Variants in MAP3K4 observed in about 807,000 individuals in gnomAD.
The protein encoded by MAP3K4 is MAP three kinase 1.
In MAP3K4, 67 loss-of-function variants were observed where a neutral mutation model predicts 185.6. The ratio of observed to expected loss-of-function variants is 0.36; its 90% CI spans 0.30 to 0.44. The LOEUF is 0.44. Ranked by LOEUF, MAP3K4 falls within the 20% of genes least tolerant of loss-of-function variation. The pLI is 1.00. For synonymous variants in MAP3K4, 702 were observed against 710.4 expected (o/e 0.99, Z 0.19); for missense variants, 1,551 against 1,995.1 (o/e 0.78, Z 4.24).
At chr6:161,059,142 A>ATT (rs140627063) in intron 3 of MAP3K4, among the ~76,000 whole-genome samples, 103,405 of 149,874 alleles carry the variant, frequency 0.69, 36,070 homozygotes, top group Admixed American at 0.76. Context: ...TGATTGATTG[A>ATT]TTTTTTTTTT....
intron 2 of MAP3K4, among the ~76,000 whole-genome samples, chr6:161,044,958 C>T (rs1048131016): frequency 1.3e-5 from 2 of 152,092 alleles, no homozygotes; most frequent in Non-Finnish European, 2.9e-5. Context: ...TCATCAGGCC[C>T]CACTTCCAAC....
rs201437607 is a variant in MAP3K4 at position 161,098,467 on chromosome 6, C to A, written c.3674+40C>A. ...CCAGTGTCCCGTACCCTCACCACCC[C>A]TTACATGCGCTTACACAGCAACCAT... On this transcript the variant is annotated intron_variant, in intron 17 of 26. Coordinates refer to ENST00000392142, the MANE Select transcript of MAP3K4 (RefSeq NM_005922.4). This position sits in a 1 kb window ranked among gnomAD's most constrained non-coding sequence, Gnocchi z 4.4. The A allele has an allele frequency of 1.3e-6, 2 of 1,580,696 alleles. No homozygotes were observed. Among genetic ancestry groups the A allele is most frequent in the African/African-American group, 1.3e-5 (1 of 74,128 alleles).
At position 161,109,926 on chromosome 6, in the gene MAP3K4, C is replaced by T. The variant is rs200857415; in HGVS notation, c.4396+12C>T. 5.0e-6 allele frequency: 8 copies of T among 1,612,850 alleles called. No individual in the cohort carries two copies. The highest frequency in any genetic ancestry group is 6.8e-6 in the Non-Finnish European group (8 of 1,179,666). The stretch of plus-strand genomic sequence containing the variant: ...CCGTGACATTAAAGGTAATCCCACA[C>T]CCGCCTGGCTGCTGTGGGCCAGAGC... On this transcript the variant is annotated intron_variant, in intron 23 of 26. Coordinates refer to ENST00000392142, the MANE Select transcript of MAP3K4 (RefSeq NM_005922.4). This position sits in a 1 kb window ranked among gnomAD's most constrained non-coding sequence, Gnocchi z 5.7.
intron 13 of MAP3K4, 65 bp downstream of exon 13, chr6:161,092,208 G>T: frequency 1.3e-6 from 2 of 1,564,164 alleles, no homozygotes; most frequent in South Asian, 2.3e-5. Flanking sequence ...GTTCATATAT[G>T]TTCTGTGGGA....
intron 23 of MAP3K4, among the ~76,000 whole-genome samples, chr6:161,111,494 C>T (rs1778350305): frequency 6.6e-6 from 1 of 152,206 alleles, no homozygotes; most frequent in Non-Finnish European, 1.5e-5. Context: ...TTGTACACAT[C>T]TCTCATTCTC....
Position 161,110,885 on chromosome 6 carries a change from C to A in MAP3K4, c.4397-951C>A, listed in dbSNP as rs1778315837. ...GTAGCACTGCCTATTTCTAGTCGTTCTGCCACAGACACCATCCTCAGTCTC... is the reference window on the plus strand; with the variant it reads ...GTAGCACTGCCTATTTCTAGTCGTTATGCCACAGACACCATCCTCAGTCTC... On this transcript the variant is annotated intron_variant, in intron 23 of 26. Coordinates refer to ENST00000392142, the MANE Select transcript of MAP3K4 (RefSeq NM_005922.4). This position sits in a 1 kb window ranked among gnomAD's most constrained non-coding sequence, Gnocchi z 4.8. Among the ~76,000 whole-genome samples the A allele has an allele frequency of 6.6e-6, 1 of 152,178 alleles. No homozygotes were observed. The highest frequency in any genetic ancestry group is 2.4e-5 in the African/African-American group (1 of 41,448).
chr6:161,048,602 T>A lies in MAP3K4; in HGVS notation c.344-14T>A, dbSNP rs757221617. On this transcript the variant is annotated splice_polypyrimidine_tract_variant and intron_variant, in intron 2 of 26. Transcript: ENST00000392142. The surrounding 1 kb of genome is among the most constrained non-coding windows in gnomAD (Gnocchi z 4.7). ...AGAGTTATATAATGTTCTGTTTATTTTTTTTTTTAATAGAAAAAATGAATG... is the reference window on the plus strand; with the variant it reads ...AGAGTTATATAATGTTCTGTTTATTATTTTTTTTAATAGAAAAAATGAATG... 1.9e-5 allele frequency: 29 copies of A among 1,528,668 alleles called. No individual in the cohort carries two copies. The highest frequency in any genetic ancestry group is 2.4e-5 in the Non-Finnish European group (27 of 1,136,928). The allele number at this position is 1,528,668 out of a possible 1,614,324, so 94.7% of individuals were successfully genotyped here.
At position 161,049,646 on chromosome 6, in the gene MAP3K4, G is replaced by A. The variant is rs758524339; in HGVS notation, c.1374G>A (p.Thr458=). 162 of 1,613,980 alleles carry A rather than the reference G, an allele frequency of 1.0e-4. No homozygotes were observed. Among genetic ancestry groups the A allele is most frequent in the Non-Finnish European group, 1.3e-4 (153 of 1,180,026 alleles). ...EGELKELESS[T]DESEEEQISD... The stretch of plus-strand genomic sequence containing the variant: ...AATTAAAGGAGTTGGAAAGTAGTAC[G>A]GATGAGAGTGAAGAAGAACAAATCT... The change falls in exon 3 of 27, where the codon ACG becomes ACA. Residue 458 remains threonine, a synonymous_variant. Transcript: ENST00000392142. This position sits in a 1 kb window ranked among gnomAD's most constrained non-coding sequence, Gnocchi z 8.4.
rs1027374545 is a variant in MAP3K4, at chr6:161,098,638, T to C, written c.3674+211T>C. ...TAACTGTCTGATGTCAGTATTTCTT[T>C]GGAGCTGATATTAGCCAAAATGACT... On this transcript the variant is annotated intron_variant, in intron 17 of 26. Transcript: ENST00000392142. The surrounding 1 kb of genome is among the most constrained non-coding windows in gnomAD (Gnocchi z 4.4). Among the ~76,000 whole-genome samples, 1 of 152,210 alleles carries C rather than the reference T, an allele frequency of 6.6e-6. No individual in the cohort carries two copies. The highest frequency in any genetic ancestry group is 1.5e-5 in the Non-Finnish European group (1 of 68,038).
intron 1 of MAP3K4, among the ~76,000 whole-genome samples, chr6:161,005,499 TAATG>T (rs765723681): frequency 3.3e-5 from 5 of 152,124 alleles, no homozygotes; most frequent in Non-Finnish European, 7.4e-5. Context: ...TGTAGGTATC[TAATG>T]AATACCCATT....
At chr6:161,069,236 T>C (rs1224256002) in intron 3 of MAP3K4, among the ~76,000 whole-genome samples, 1 of 152,176 alleles carries the variant, frequency 6.6e-6, no homozygotes, top group African/African-American at 2.4e-5. Context: ...CATTGGTTGT[T>C]TTCTCATTAA....
intron 3 of MAP3K4, among the ~76,000 whole-genome samples, chr6:161,065,188 A>G (rs557758193): frequency 6.6e-6 from 1 of 152,284 alleles, no homozygotes; most frequent in Non-Finnish European, 1.5e-5. Context: ...ACCCTGTGTC[A>G]AGGGTGACAG....
intron 23 of MAP3K4, among the ~76,000 whole-genome samples, chr6:161,111,475 C>T (rs527841527): frequency 6.6e-5 from 10 of 152,300 alleles, no homozygotes; most frequent in South Asian, 4.1e-4. Context: ...CTGTTTCAGA[C>T]GCTGCTGATT....
chr6:161,055,249 C>T (rs2114777427), intron 3 of MAP3K4, among the ~76,000 whole-genome samples: 1 of 152,296 alleles, frequency 6.6e-6, no homozygotes, highest in African/African-American at 2.4e-5. Context: ...TTCCAGGTGT[C>T]CTTCCCAGCA....
chr6:161,079,216 GA>G (rs71004026), intron 5 of MAP3K4, among the ~76,000 whole-genome samples: 20 of 115,986 alleles, frequency 1.7e-4, no homozygotes, highest in South Asian at 3.0e-4. Flanking sequence ...CCTGTCTCAA[GA>G]AAAAAAAAAA....
Position 160,991,962 on chromosome 6 carries a change from C to T in MAP3K4, c.31C>T (p.Pro11Ser), listed in dbSNP as rs535214105. MREAAAALVPPPAFAVTPAAA... is the reference protein window; with the variant it reads MREAAAALVPSPAFAVTPAAA... ...AGAAGCCGCTGCCGCGCTGGTCCCT[C>T]CTCCCGCCTTTGCCGTCACGCCTGC... Residue 11 changes from proline to serine, a missense_variant, in exon 1 of 27, where the codon CCT (proline) becomes TCT (serine). By Grantham distance (74) the Pro-to-Ser change is moderately conservative (BLOSUM62 -1). Coordinates refer to ENST00000392142, the MANE Select transcript of MAP3K4 (RefSeq NM_005922.4). The surrounding 1 kb of genome is among the most constrained non-coding windows in gnomAD (Gnocchi z 5.7). The T allele has an allele frequency of 4.2e-5, 65 of 1,546,966 alleles. No homozygotes were observed. In the South Asian group the frequency reaches 6.8e-4, roughly 16 times the overall value.
intron 5 of MAP3K4, among the ~76,000 whole-genome samples, chr6:161,079,348 T>C (rs1785334090): frequency 1.3e-5 from 2 of 150,492 alleles, no homozygotes; most frequent in South Asian, 4.2e-4. Context: ...GAGGCCAAGG[T>C]GGACAGATTG....
chr6:161,009,725 C>T (rs1424818176), intron 1 of MAP3K4, among the ~76,000 whole-genome samples: 2 of 152,036 alleles, frequency 1.3e-5, no homozygotes, highest in African/African-American at 4.8e-5. Context: ...ATATTTGTGC[C>T]AATTTCCACC....
At chr6:161,044,535 C>T (rs181557812) in intron 2 of MAP3K4, among the ~76,000 whole-genome samples, 1 of 152,184 alleles carries the variant, frequency 6.6e-6, no homozygotes, top group Non-Finnish European at 1.5e-5. Flanking sequence ...CACCCAACAC[C>T]CTAGTGTTGT....
Sources: gnomAD v4.1 joint callset for allele counts (sites outside exome capture counted in the v4.1 genomes callset) on GRCh38, gnomAD v4.1.1 for gene constraint, Gnocchi (gnomAD v3.1) non-coding constraint, MANE v1.5 for transcripts, NCBI Gene and HGNC (gene_info 2026-07-23, HGNC 2026-07-21) for gene names.